KDM6A: variants seen among roughly 807,000 people sequenced by gnomAD.
KDM6A encodes lysine-specific demethylase 6A.
In KDM6A, 11 loss-of-function variants were observed where a neutral mutation model predicts 117.6. The observed-to-expected ratio is 0.09, with a 90% CI of 0.06 to 0.15. The LOEUF is 0.15. Among genes scored for constraint, KDM6A ranks in the 10% least tolerant of loss-of-function variants. The probability of loss-of-function intolerance (pLI) is 1.00; values close to 1 mark genes in which losing one functional copy is unlikely to be tolerated. For missense variants in KDM6A, 799 were observed against 1,077.3 expected, an observed-to-expected ratio of 0.74 and a Z score of 3.62; for synonymous variants, 384 against 396.1, an observed-to-expected ratio of 0.97 and a Z score of 0.36.
At chrX:44,974,450 G>C (rs145865795) in intron 3 of KDM6A, among the ~76,000 whole-genome samples, 2 of 110,769 alleles carry the variant, frequency 1.8e-5, no homozygotes, top group East Asian at 5.7e-4. Flanking sequence ...TTGATCTAAG[G>C]GGTTAGCCTA....
At chrX:45,023,934 C>G (rs1041898100) in intron 6 of KDM6A, among the ~76,000 whole-genome samples, 8 of 112,002 alleles carry the variant, frequency 7.1e-5, no homozygotes, top group African/African-American at 2.6e-4. Context: ...GAATAATGGT[C>G]TCCAACTCCA....
intron 2 of KDM6A, among the ~76,000 whole-genome samples, chrX:44,929,982 C>T (rs891785940): frequency 9.0e-6 from 1 of 111,131 alleles, no homozygotes; most frequent in African/African-American, 3.3e-5. Flanking sequence ...GCTTCCGTCC[C>T]TCCAATTTTA....
At chrX:44,949,092 T>C (rs1410438293) in intron 2 of KDM6A, among the ~76,000 whole-genome samples, 1 of 112,174 alleles carries the variant, frequency 8.9e-6, no homozygotes, top group Non-Finnish European at 1.9e-5. Context: ...TAAAATTGCA[T>C]ATAAAGATTT....
At chrX:45,022,616 G>C (rs765653575) in intron 6 of KDM6A, among the ~76,000 whole-genome samples, 11 of 112,003 alleles carry the variant, frequency 9.8e-5, no homozygotes, top group African/African-American at 3.6e-4. Context: ...TTCAGAATGA[G>C]TGAAGGTAGG....
intron 21 of KDM6A, among the ~76,000 whole-genome samples, chrX:45,081,501 C>T (rs971062066): frequency 8.9e-6 from 1 of 112,061 alleles, no homozygotes; most frequent in African/African-American, 3.2e-5. Context: ...GAATAAATAT[C>T]CCCTGGAAGA....
intron 4 of KDM6A, among the ~76,000 whole-genome samples, chrX:44,992,970 C>T (rs150900155): frequency 0.02 from 2,215 of 112,098 alleles, 48 homozygotes; most frequent in African/African-American, 0.068. Flanking sequence ...TGTTTTTCCT[C>T]CTGTCATGAT....
intron 6 of KDM6A, among the ~76,000 whole-genome samples, chrX:45,021,520 G>C (rs1345541412): frequency 2.7e-5 from 3 of 111,376 alleles, no homozygotes; most frequent in African/African-American, 9.8e-5. Flanking sequence ...AGGAAGGGTG[G>C]TTGGGGAGAT....
chrX:44,899,154 A>G (rs2034142169), intron 2 of KDM6A, among the ~76,000 whole-genome samples: 1 of 82,662 alleles, frequency 1.2e-5, no homozygotes, highest in Non-Finnish European at 2.2e-5. Flanking sequence ...GTGTGTGTTT[A>G]GATTAGTTGT....
chrX:45,071,441 T>C (rs958923869), intron 18 of KDM6A, among the ~76,000 whole-genome samples: 2 of 112,175 alleles, frequency 1.8e-5, no homozygotes, highest in South Asian at 3.7e-4. Flanking sequence ...TTTATTGTTA[T>C]GTAAAAGTGT....
chrX:45,022,661 T>C (rs2042213359), intron 6 of KDM6A, among the ~76,000 whole-genome samples: 1 of 112,008 alleles, frequency 8.9e-6, no homozygotes, highest in Admixed American at 9.5e-5. Flanking sequence ...TAGGTGGTTT[T>C]CCATTTTTCT....
intron 27 of KDM6A, among the ~76,000 whole-genome samples, chrX:45,092,911 G>A (rs1021815695): frequency 1.2e-4 from 13 of 110,807 alleles, no homozygotes; most frequent in African/African-American, 4.3e-4. Flanking sequence ...AAAAAGGCCA[G>A]GGTGACTATA....
intron 2 of KDM6A, among the ~76,000 whole-genome samples, chrX:44,922,994 T>C (rs915350523): frequency 8.9e-6 from 1 of 111,751 alleles, no homozygotes; most frequent in Non-Finnish European, 1.9e-5. Flanking sequence ...TAAAAAAATA[T>C]TTTGGCTTGT....
intron 2 of KDM6A, among the ~76,000 whole-genome samples, chrX:44,885,318 G>A (rs2032757049): frequency 9.1e-6 from 1 of 109,456 alleles, no homozygotes; most frequent in African/African-American, 3.3e-5. Context: ...GAGCCGTTGT[G>A]CCTGGCCTAC....
intron 8 of KDM6A, among the ~76,000 whole-genome samples, chrX:45,045,196 C>A (rs1475815626): frequency 9.0e-6 from 1 of 111,289 alleles, no homozygotes; most frequent in Admixed American, 9.6e-5. Flanking sequence ...CTCAAAGTAT[C>A]CATTAGGTAA....
chrX:45,108,572 G>T (rs2046617752), intron 28 of KDM6A, among the ~76,000 whole-genome samples: 1 of 108,206 alleles, frequency 9.2e-6, no homozygotes, highest in Non-Finnish European at 1.9e-5. Flanking sequence ...GATTCCTCAG[G>T]GATCTAGAAC....
chrX:45,111,528 C>A lies in KDM6A; in HGVS notation c.*117C>A. ...CTGCTGGCTGAAAACTGTGTCTATG[C>A]AACCTTCCAAGTGCGGAGTGTCAAC... On this transcript the variant is annotated 3_prime_UTR_variant, in exon 30 of 30. Coordinates refer to ENST00000611820, the MANE Select transcript of KDM6A (RefSeq NM_001291415.2). The A allele has an allele frequency of 3.1e-6, 2 of 644,217 alleles. No individual in the cohort carries two copies. The highest frequency in any genetic ancestry group is 5.2e-6 in the Non-Finnish European group (2 of 387,530). The allele number at this position is 644,217 out of a possible 1,213,427, so 53.1% of individuals were successfully genotyped here. A position where few individuals can be genotyped will look rare whatever the true frequency, so the allele number is the denominator to read the frequency against.
intron 9 of KDM6A, 85 bp from the exon 10 acceptor site, chrX:45,053,744 T>C (rs1159385526): frequency 9.1e-6 from 7 of 765,042 alleles, no homozygotes; most frequent in Non-Finnish European, 1.2e-5. Flanking sequence ...AGAGTACTTT[T>C]TTGGTTTGTT....
intron 6 of KDM6A, among the ~76,000 whole-genome samples, chrX:45,021,921 G>A (rs762762305): frequency 8.9e-6 from 1 of 111,775 alleles, no homozygotes; most frequent in Non-Finnish European, 1.9e-5. Context: ...GGACGTCAGC[G>A]GATATGAACT....
At chrX:45,087,082 C>G (rs1343051109) in intron 25 of KDM6A, among the ~76,000 whole-genome samples, 1 of 112,912 alleles carries the variant, frequency 8.9e-6, no homozygotes, top group Non-Finnish European at 1.9e-5. Flanking sequence ...CCTCCGCCTC[C>G]CAGGTTCAAG....
Sources: gnomAD v4.1 joint callset for allele counts (sites outside exome capture counted in the v4.1 genomes callset) on GRCh38, gnomAD v4.1.1 for gene constraint, MANE v1.5 for transcripts, NCBI Gene and HGNC (gene_info 2026-07-23, HGNC 2026-07-21) for gene names.